RBFOX1: variants seen among roughly 807,000 people sequenced by gnomAD.
RBFOX1 encodes the protein RNA binding protein fox-1 homolog 1.
Under a neutral mutation model 57.7 loss-of-function variants are expected in RBFOX1, and 8 were observed. The ratio of observed to expected loss-of-function variants is 0.14; its 90% confidence interval spans 0.08 to 0.25. RBFOX1 has a LOEUF of 0.25. Ranked by LOEUF, RBFOX1 falls within the 10% of genes least tolerant of loss-of-function variation. RBFOX1 has a pLI of 1.00. For missense variants in RBFOX1, 611 were observed against 548.5 expected (o/e 1.11, Z -1.14); for synonymous variants, 326 against 222.4 (o/e 1.47, Z -4.15).
At chr16:7,304,169 G>A (rs1301846067) in intron 4 of RBFOX1, 2 of 971,722 alleles carry the variant, frequency 2.1e-6, no homozygotes, top group African/African-American at 1.8e-5. Context: ...GGGGTGCGGT[G>A]GGGGGAGGGA....
intron 1 of RBFOX1, among the ~76,000 whole-genome samples, chr16:6,114,183 C>G (rs1597425101): frequency 6.6e-6 from 1 of 152,128 alleles, no homozygotes; most frequent in Admixed American, 6.5e-5. Context: ...AACTTCTTCT[C>G]TTGTTGGTTA....
intron 9 of RBFOX1, among the ~76,000 whole-genome samples, chr16:7,598,874 A>ATGTG (rs2094856733): frequency 6.6e-6 from 1 of 152,236 alleles, no homozygotes; most frequent in South Asian, 2.1e-4. Flanking sequence ...TGTTTATCAC[A>ATGTG]ATAAAAGAAA....
chr16:6,235,333 G>T (rs969496217), intron 1 of RBFOX1, among the ~76,000 whole-genome samples: 1 of 152,052 alleles, frequency 6.6e-6, no homozygotes. Flanking sequence ...AGCATAAAAA[G>T]TCCAAGCAGG....
chr16:6,698,142 C>A (rs1452134775), intron 3 of RBFOX1, among the ~76,000 whole-genome samples: 1 of 152,158 alleles, frequency 6.6e-6, no homozygotes, highest in Non-Finnish European at 1.5e-5. Flanking sequence ...GAGCTAGAAA[C>A]CAGAAATCCA....
chr16:7,633,185 C>T (rs149135933), intron 11 of RBFOX1, among the ~76,000 whole-genome samples: 7 of 152,202 alleles, frequency 4.6e-5, no homozygotes, highest in South Asian at 2.1e-4. Context: ...CAAAGCCTAA[C>T]GTTTTAACAG....
intron 3 of RBFOX1, among the ~76,000 whole-genome samples, chr16:6,937,437 G>A (rs56345406): frequency 0.13 from 19,540 of 152,144 alleles, 1,335 homozygotes; most frequent in East Asian, 0.16. Flanking sequence ...TGGCCATTCA[G>A]ATGTCAATGA....
intron 2 of RBFOX1, among the ~76,000 whole-genome samples, chr16:6,419,204 G>A (rs916826794): frequency 5.9e-5 from 9 of 151,992 alleles, no homozygotes; most frequent in African/African-American, 2.2e-4. Context: ...GACCTAATTC[G>A]AATGCCCCCT....
chr16:7,374,026 AAGAT>A (rs2097634946), intron 4 of RBFOX1, among the ~76,000 whole-genome samples: 1 of 152,220 alleles, frequency 6.6e-6, no homozygotes, highest in Non-Finnish European at 1.5e-5. Context: ...TAAAACTTGA[AAGAT>A]AAAGTATCTT....
intron 3 of RBFOX1, among the ~76,000 whole-genome samples, chr16:6,824,804 T>C (rs184437878): frequency 6.6e-6 from 1 of 151,994 alleles, no homozygotes; most frequent in East Asian, 1.9e-4. Context: ...ATTTTTAAAT[T>C]TGTAATAACA....
chr16:6,994,642 G>A (rs2091988138), intron 3 of RBFOX1, among the ~76,000 whole-genome samples: 1 of 152,184 alleles, frequency 6.6e-6, no homozygotes, highest in African/African-American at 2.4e-5. Flanking sequence ...ATAATTCAAA[G>A]AAAGTGCCAT....
intron 2 of RBFOX1, among the ~76,000 whole-genome samples, chr16:6,601,218 C>G (rs891906123): frequency 6.6e-6 from 1 of 152,024 alleles, no homozygotes; most frequent in Non-Finnish European, 1.5e-5. Context: ...ATGGAAGAGT[C>G]TTTTTTGCTG....
At chr16:6,358,627 A>G (rs2087822830) in intron 2 of RBFOX1, among the ~76,000 whole-genome samples, 1 of 152,192 alleles carries the variant, frequency 6.6e-6, no homozygotes. Context: ...TAATCCTCCC[A>G]ACAGCAGGAG....
chr16:7,708,253 A>G (rs1217894561), intron 14 of RBFOX1, among the ~76,000 whole-genome samples: 1 of 151,214 alleles, frequency 6.6e-6, no homozygotes, highest in Non-Finnish European at 1.5e-5. Context: ...CTTTAAAAAA[A>G]AAAGTTAACT....
At chr16:6,653,300 G>C (rs954605948) in intron 2 of RBFOX1, among the ~76,000 whole-genome samples, 1 of 141,604 alleles carries the variant, frequency 7.1e-6, no homozygotes, top group Non-Finnish European at 1.5e-5. Context: ...TAAGTGATAT[G>C]CATGGTTTAA....
chr16:6,915,039 C>T (rs1372793925), intron 3 of RBFOX1, among the ~76,000 whole-genome samples: 1 of 152,208 alleles, frequency 6.6e-6, no homozygotes, highest in East Asian at 1.9e-4. Context: ...TTTGCTCATC[C>T]GTAGATGAAG....
At chr16:6,872,086 C>T (rs576662357) in intron 3 of RBFOX1, among the ~76,000 whole-genome samples, 10 of 152,072 alleles carry the variant, frequency 6.6e-5, no homozygotes, top group Admixed American at 5.9e-4. Context: ...TTTGTCTTTT[C>T]ACAGCATAAT....
chr16:6,368,835 C>G (rs937298999), intron 2 of RBFOX1, among the ~76,000 whole-genome samples: 1 of 151,984 alleles, frequency 6.6e-6, no homozygotes, highest in African/African-American at 2.4e-5. Flanking sequence ...AAAGAAAAAC[C>G]CAGAAGCAAC....
intron 1 of RBFOX1, among the ~76,000 whole-genome samples, chr16:6,315,078 G>C (rs573844779): frequency 3.5e-4 from 54 of 152,302 alleles, no homozygotes; most frequent in Non-Finnish European, 7.3e-4. Flanking sequence ...AAAAAGCACC[G>C]ACTTTGTGCT....
At chr16:7,209,919 C>G (rs894890708) in intron 4 of RBFOX1, among the ~76,000 whole-genome samples, 1 of 152,182 alleles carries the variant, frequency 6.6e-6, no homozygotes, top group Admixed American at 6.5e-5. Context: ...CCATGATGCA[C>G]CATAGAGTTG....
Sources: gnomAD v4.1 joint callset for allele counts (sites outside exome capture counted in the v4.1 genomes callset) on GRCh38, gnomAD v4.1.1 for gene constraint, MANE v1.5 for transcripts, NCBI Gene and HGNC (gene_info 2026-07-23, HGNC 2026-07-21) for gene names.